The following RRAGD variants were observed in gnomAD, a reference collection of about 807,000 sequenced individuals.
The protein encoded by RRAGD is ras-related GTP-binding protein D.
In RRAGD, 12 loss-of-function variants were observed where a neutral mutation model predicts 35.5. The observed-to-expected ratio is 0.34, with a 90% CI of 0.22 to 0.55. The LOEUF (loss-of-function observed/expected upper bound fraction) is 0.55, where lower values mean the gene tolerates loss of function less well. RRAGD is among the 20% of genes least tolerant of loss of function. RRAGD has a pLI of 0.91. For synonymous variants in RRAGD, 155 were observed against 178.9 expected (o/e 0.87, Z 1.07); for missense variants, 324 against 490.1 (o/e 0.66, Z 3.20).
rs1363190248 is a variant in RRAGD, at chr6:89,395,244, G to C, written c.149-7654C>G. Among the ~76,000 whole-genome samples, 9 of 152,286 alleles carry C rather than the reference G, an allele frequency of 5.9e-5. No individual in the cohort carries two copies. In the East Asian group the frequency reaches 1.2e-3, roughly 20 times the overall value. ...ACTGCACTCCAGCCTGGGCAACAGAGTTAAGAACCTGTCTCAAAAAGAAAG... is the reference window on the plus strand; with the variant it reads ...ACTGCACTCCAGCCTGGGCAACAGACTTAAGAACCTGTCTCAAAAAGAAAG... On this transcript the variant is annotated intron_variant, in intron 1 of 6. Coordinates refer to ENST00000369415, the MANE Select transcript of RRAGD (RefSeq NM_021244.5).
intron 5 of RRAGD, among the ~76,000 whole-genome samples, chr6:89,376,630 T>C (rs911679425): frequency 4.6e-5 from 7 of 152,224 alleles, no homozygotes; most frequent in African/African-American, 1.4e-4. Context: ...TATAATTATG[T>C]AGAATTGTTT....
intron 5 of RRAGD, among the ~76,000 whole-genome samples, chr6:89,372,791 G>A (rs1304282149): frequency 6.6e-6 from 1 of 152,264 alleles, no homozygotes; most frequent in Admixed American, 6.5e-5. Flanking sequence ...GACAATGAGT[G>A]GCTGTCTGCA....
chr6:89,399,590 G>C (rs1769411831), intron 1 of RRAGD, among the ~76,000 whole-genome samples: 1 of 152,074 alleles, frequency 6.6e-6, no homozygotes, highest in Non-Finnish European at 1.5e-5. Context: ...TGGGCAACAT[G>C]GCAAAACCCT....
At chr6:89,369,206 T>C (rs1222928800) in intron 6 of RRAGD, among the ~76,000 whole-genome samples, 1 of 151,638 alleles carries the variant, frequency 6.6e-6, no homozygotes, top group Non-Finnish European at 1.5e-5. Flanking sequence ...GCAGAGAGAG[T>C]GAACCACTAG....
chr6:89,374,227 A>G (rs1033459412), intron 5 of RRAGD, among the ~76,000 whole-genome samples: 16 of 152,196 alleles, frequency 1.1e-4, no homozygotes, highest in African/African-American at 3.9e-4. Context: ...AAAATAAGAT[A>G]ACTTGGTCAA....
At chr6:89,369,929 G>T (rs1768827751) in intron 6 of RRAGD, among the ~76,000 whole-genome samples, 1 of 152,068 alleles carries the variant, frequency 6.6e-6, no homozygotes, top group Non-Finnish European at 1.5e-5. Flanking sequence ...CCCACCTACA[G>T]TTCATAAGGC....
At chr6:89,397,964 T>C (rs138896386) in intron 1 of RRAGD, among the ~76,000 whole-genome samples, 5 of 152,148 alleles carry the variant, frequency 3.3e-5, no homozygotes, top group African/African-American at 1.2e-4. Flanking sequence ...CTGGCCAACA[T>C]GGCGAAACCC....
Position 89,411,576 on chromosome 6 carries a change from A to C in RRAGD, c.148+270T>G. The C allele has an allele frequency of 2.0e-6, 1 of 489,402 alleles. No homozygotes were observed. Among genetic ancestry groups the C allele is most frequent in the East Asian group, 4.1e-5 (1 of 24,582 alleles). 30.3% of individuals were successfully genotyped at this position (489,402 alleles called of 1,614,324 possible). A position where few individuals can be genotyped will look rare whatever the true frequency, so the allele number is the denominator to read the frequency against. ...GGGAGGCACCGGCTCTGAAAGGGGC[A>C]GAAGCGCGCGCTCCTCCAGCCCAGA... On this transcript the variant is annotated intron_variant, in intron 1 of 6. Coordinates refer to ENST00000369415, the MANE Select transcript of RRAGD (RefSeq NM_021244.5). This position sits in a 1 kb window ranked among gnomAD's most constrained non-coding sequence, Gnocchi z 5.6.
chr6:89,412,154 C>T lies in RRAGD; in HGVS notation c.-161G>A, dbSNP rs1769719746. ...CCGCGCGTCCCCCGGCGGGCGGCGC[C>T]CAGGTCCGGGTCCCGCGGTTCCCAG... is the stretch of plus-strand genomic sequence containing the variant. On this transcript the variant is annotated 5_prime_UTR_variant, in exon 1 of 7. Transcript: ENST00000369415. The surrounding 1 kb of genome is among the most constrained non-coding windows in gnomAD (Gnocchi z 4.2). 6.6e-6 allele frequency: 4 copies of T among 603,442 alleles called. No homozygotes were observed. The highest frequency in any genetic ancestry group is 1.9e-5 in the African/African-American group (1 of 51,334). The allele number at this position is 603,442 out of a possible 1,614,324, so 37.4% of individuals were successfully genotyped here.
At chr6:89,377,496 G>A (rs1049798515) in intron 5 of RRAGD, among the ~76,000 whole-genome samples, 175 bp downstream of exon 5, 6 of 152,236 alleles carry the variant, frequency 3.9e-5, no homozygotes, top group East Asian at 1.9e-4. Context: ...AGCATAATGC[G>A]TGGCATTTGC....
At chr6:89,395,645 C>A (rs1268636980) in intron 1 of RRAGD, among the ~76,000 whole-genome samples, 5 of 152,166 alleles carry the variant, frequency 3.3e-5, no homozygotes, top group Admixed American at 3.3e-4. Context: ...TTTTCTCTTT[C>A]AGTTGTGCTC....
At chr6:89,395,660 G>A (rs1330305652) in intron 1 of RRAGD, among the ~76,000 whole-genome samples, 2 of 152,064 alleles carry the variant, frequency 1.3e-5, no homozygotes, top group East Asian at 3.9e-4. Flanking sequence ...GTGCTCTTAG[G>A]GTTTCTGTTT....
At chr6:89,400,401 A>G (rs1769436039) in intron 1 of RRAGD, among the ~76,000 whole-genome samples, 1 of 152,124 alleles carries the variant, frequency 6.6e-6, no homozygotes, top group Non-Finnish European at 1.5e-5. Context: ...GGCCAGGGTA[A>G]AAAATGTAGT....
At chr6:89,382,798 C>T (rs917602887) in intron 2 of RRAGD, among the ~76,000 whole-genome samples, 3 of 152,078 alleles carry the variant, frequency 2.0e-5, no homozygotes, top group Admixed American at 2.0e-4. Context: ...ATTGCTTAAA[C>T]CTGGGAGGCG....
chr6:89,384,651 C>G (rs1456761199), intron 2 of RRAGD, among the ~76,000 whole-genome samples: 1 of 151,914 alleles, frequency 6.6e-6, no homozygotes, highest in Non-Finnish European at 1.5e-5. Flanking sequence ...CCCATCTCTA[C>G]TAAAAATCAA....
intron 6 of RRAGD, among the ~76,000 whole-genome samples, chr6:89,369,934 T>G (rs778358116): frequency 4.6e-5 from 7 of 152,146 alleles, no homozygotes; most frequent in Non-Finnish European, 1.0e-4. Flanking sequence ...CTACAGTTCA[T>G]AAGGCCCCAC....
At chr6:89,372,037 G>A (rs1768861341) in intron 6 of RRAGD, among the ~76,000 whole-genome samples, 2 of 152,180 alleles carry the variant, frequency 1.3e-5, no homozygotes, top group Non-Finnish European at 1.5e-5. Flanking sequence ...GGTTACCTAA[G>A]ACCTTCTAGA....
At chr6:89,382,872 T>C (rs963539845) in intron 2 of RRAGD, among the ~76,000 whole-genome samples, 5 of 151,090 alleles carry the variant, frequency 3.3e-5, no homozygotes, top group Non-Finnish European at 7.4e-5. Context: ...CAAGACTCCA[T>C]CTCAAAAAAA....
rs1379000516 is a variant in RRAGD, at chr6:89,366,418, G to C, written c.*1638C>G. 1.3e-5 allele frequency: 2 copies of C among 151,672 alleles called. No homozygotes were observed. The highest frequency in any genetic ancestry group is 2.9e-5 in the Non-Finnish European group (2 of 68,034). 9.4% of individuals were successfully genotyped at this position (151,672 alleles called of 1,614,324 possible). ...GTGGTTGTGCACACCTGTAGTTCTA[G>C]CTACTAGGGAGGCTGAGGTGGAAGG... On this transcript the variant is annotated 3_prime_UTR_variant, in exon 7 of 7. Transcript: ENST00000369415.
Sources: allele counts gnomAD v4.1 joint callset (sites outside exome capture counted in the v4.1 genomes callset), GRCh38; gene constraint gnomAD v4.1.1; non-coding constraint Gnocchi (gnomAD v3.1); transcripts MANE v1.5; gene names NCBI Gene and HGNC (gene_info 2026-07-23, HGNC 2026-07-21).